SCAPER: variants seen among roughly 807,000 people sequenced by gnomAD.
SCAPER encodes the protein S phase cyclin A-associated protein in the endoplasmic reticulum.
SCAPER carries 98 observed loss-of-function variants against 182.2 expected under a neutral mutation model. That is an observed-to-expected ratio of 0.54 (90% CI 0.46 to 0.64). The LOEUF (loss-of-function observed/expected upper bound fraction) is 0.64. Among genes scored for constraint, SCAPER ranks in the 30% least tolerant of loss-of-function variants. SCAPER has a pLI of 0.00. For missense variants in SCAPER, 1,432 were observed against 1,690.0 expected, an observed-to-expected ratio of 0.85 and a Z score of 2.68; for synonymous variants, 605 against 564.6, an observed-to-expected ratio of 1.07 and a Z score of -1.01.
chr15:76,721,135 T>C (rs2150964391), intron 17 of SCAPER, among the ~76,000 whole-genome samples: 1 of 152,376 alleles, frequency 6.6e-6, no homozygotes, highest in Middle Eastern at 3.4e-3. Context: ...GTTTCAGCTT[T>C]CTACATATGG....
intron 20 of SCAPER, among the ~76,000 whole-genome samples, chr15:76,679,967 T>C (rs1185703966): frequency 6.6e-6 from 1 of 152,218 alleles, no homozygotes; most frequent in African/African-American, 2.4e-5. Flanking sequence ...TGCCTTGTAA[T>C]GAAAGGTGTT....
chr15:76,468,801 G>A lies in SCAPER; in HGVS notation c.3078+2411C>T, dbSNP rs1160838034. Among the ~76,000 whole-genome samples the A allele has an allele frequency of 3.3e-5, 5 of 152,182 alleles. No homozygotes were observed. The South Asian group carries it at 1.0e-3, about 32-fold the overall frequency. Reference sequence around the variant, plus strand: ...TTAATGTGGTGATATCTGGAGACGGGGCCTGTGGGAGGTAATTTGGTCATA... The same window carrying A: ...TTAATGTGGTGATATCTGGAGACGGAGCCTGTGGGAGGTAATTTGGTCATA... On this transcript the variant is annotated intron_variant, in intron 25 of 31. Transcript: ENST00000563290.
At chr15:76,592,037 G>C (rs1397709080) in intron 22 of SCAPER, among the ~76,000 whole-genome samples, 1 of 152,074 alleles carries the variant, frequency 6.6e-6, no homozygotes, top group Non-Finnish European at 1.5e-5. Context: ...ACTACCCTCG[G>C]CAACAGAGTG....
At chr15:76,779,965 G>C (rs1313122788) in intron 8 of SCAPER, among the ~76,000 whole-genome samples, 2 of 152,160 alleles carry the variant, frequency 1.3e-5, no homozygotes, top group South Asian at 4.1e-4. Flanking sequence ...CAGCGTGATC[G>C]ACGCAGAAGA....
Position 76,365,493 on chromosome 15 carries a change from G to A in SCAPER, c.3855+10669C>T, listed in dbSNP as rs2041746091. On this transcript the variant is annotated intron_variant, in intron 29 of 31. Transcript: ENST00000563290. ...TGGGCTAGATTTTCTCAAAGACTTGGCTAAGCTAAAAGTCATGGGCTCTAC... is the reference window on the plus strand; with the variant it reads ...TGGGCTAGATTTTCTCAAAGACTTGACTAAGCTAAAAGTCATGGGCTCTAC... 3.3e-5 allele frequency among the ~76,000 whole-genome samples: 5 copies of A among 152,302 alleles called. No homozygotes were observed. The South Asian group carries it at 1.0e-3, about 32-fold the overall frequency.
At chr15:76,551,344 A>C (rs2045753629) in intron 23 of SCAPER, among the ~76,000 whole-genome samples, 1 of 152,132 alleles carries the variant, frequency 6.6e-6, no homozygotes, top group African/African-American at 2.4e-5. Flanking sequence ...TAAAAAACTG[A>C]GATGTCTATA....
chr15:76,621,737 A>T, intron 22 of SCAPER, 27 bp downstream of exon 22: 1 of 1,580,664 alleles, frequency 6.3e-7, no homozygotes, highest in South Asian at 1.2e-5. Context: ...ACTGAAGAAA[A>T]GGAGAACTAA....
chr15:76,358,325 C>T (rs1445836602), intron 29 of SCAPER, among the ~76,000 whole-genome samples: 2 of 152,220 alleles, frequency 1.3e-5, no homozygotes, highest in Non-Finnish European at 2.9e-5. Flanking sequence ...GGCTAGTGGA[C>T]ACCTGGAAAC....
At chr15:76,464,595 T>C (rs768604214) in intron 25 of SCAPER, among the ~76,000 whole-genome samples, 17 of 152,170 alleles carry the variant, frequency 1.1e-4, no homozygotes, top group Non-Finnish European at 2.2e-4. Context: ...CAGTTCAAAC[T>C]TGTAGTGTTT....
At chr15:76,428,436 C>A (rs1006152385) in intron 26 of SCAPER, among the ~76,000 whole-genome samples, 2 of 152,128 alleles carry the variant, frequency 1.3e-5, no homozygotes, top group African/African-American at 2.4e-5. Flanking sequence ...AGAATGCAAT[C>A]TTTCTTTTTT....
intron 17 of SCAPER, among the ~76,000 whole-genome samples, chr15:76,721,089 A>C (rs1661833003): frequency 2.0e-5 from 3 of 152,186 alleles, no homozygotes; most frequent in South Asian, 4.2e-4. Flanking sequence ...ATCCATCTTG[A>C]ATTAATTTTT....
At chr15:76,905,050 G>C (rs2074990833) in intron 1 of SCAPER, 1 of 152,468 alleles carries the variant, frequency 6.6e-6, no homozygotes, top group African/African-American at 2.4e-5. Context: ...GCCCGGACGC[G>C]GCTCACCCCA....
At chr15:76,830,926 C>A (rs763441826) in intron 5 of SCAPER, among the ~76,000 whole-genome samples, 1 of 152,068 alleles carries the variant, frequency 6.6e-6, no homozygotes, top group East Asian at 1.9e-4. Flanking sequence ...GGTTGCCAAG[C>A]ACCGTGACCC....
chr15:76,897,004 T>C (rs1472360229), intron 1 of SCAPER, among the ~76,000 whole-genome samples: 1 of 152,110 alleles, frequency 6.6e-6, no homozygotes, highest in Non-Finnish European at 1.5e-5. Context: ...CACAAATCCA[T>C]ATCCCAAGTC....
At chr15:76,900,554 CAA>C (rs1187281738) in intron 1 of SCAPER, among the ~76,000 whole-genome samples, 2 of 152,108 alleles carry the variant, frequency 1.3e-5, no homozygotes, top group Non-Finnish European at 2.9e-5. Context: ...TGGTTGAGCA[CAA>C]AGTGTCTGAA....
At chr15:76,560,921 T>C (rs2046567789) in intron 23 of SCAPER, among the ~76,000 whole-genome samples, 2 of 152,206 alleles carry the variant, frequency 1.3e-5, no homozygotes, top group Non-Finnish European at 2.9e-5. Flanking sequence ...CCTGCATTAG[T>C]TAATACACAG....
rs374257923 is a variant in SCAPER at position 76,853,755 on chromosome 15, A to G, written c.195+4054T>C. Among the ~76,000 whole-genome samples the G allele has an allele frequency of 2.6e-5, 4 of 152,356 alleles. No homozygotes were observed. In the East Asian group the frequency reaches 5.8e-4, roughly 22 times the overall value. ...GGAAGCATCTCCCCTGAAAACTGGC[A>G]TAAGACAAAGATGCCTTTTCTCGCC... On this transcript the variant is annotated intron_variant, in intron 4 of 31. Coordinates refer to ENST00000563290, the MANE Select transcript of SCAPER (RefSeq NM_020843.4).
intron 21 of SCAPER, among the ~76,000 whole-genome samples, chr15:76,631,542 C>T (rs2053110132): frequency 6.6e-6 from 1 of 152,150 alleles, no homozygotes; most frequent in African/African-American, 2.4e-5. Context: ...TTCTCCTTCA[C>T]TAATGAAGTT....
chr15:76,703,126 C>T (rs769337155), intron 18 of SCAPER, 124 bp from the exon 19 acceptor site: 11 of 1,017,372 alleles, frequency 1.1e-5, no homozygotes, highest in Non-Finnish European at 1.2e-5. Context: ...ACAACTTACA[C>T]ACTGAAGACA....
Sources: allele counts gnomAD v4.1 joint callset (sites outside exome capture counted in the v4.1 genomes callset), GRCh38; gene constraint gnomAD v4.1.1; transcripts MANE v1.5; gene names NCBI Gene and HGNC (gene_info 2026-07-23, HGNC 2026-07-21).